WDR7: variants seen among roughly 807,000 people sequenced by gnomAD.
WDR7 encodes WD repeat-containing protein 7.
A neutral mutation model predicts 169.4 loss-of-function variants in WDR7; 46 were observed. The observed-to-expected ratio is 0.27, with a 90% CI of 0.21 to 0.35. The LOEUF (loss-of-function observed/expected upper bound fraction) is 0.35. Among genes scored for constraint, WDR7 ranks in the 10% least tolerant of loss-of-function variants. The pLI is 1.00. For missense variants in WDR7, 1,534 were observed against 1,859.3 expected (o/e 0.83, Z 3.22); for synonymous variants, 612 against 666.8 (o/e 0.92, Z 1.27).
chr18:56,803,134 A>T (rs1568203984), intron 19 of WDR7, among the ~76,000 whole-genome samples: 1 of 152,180 alleles, frequency 6.6e-6, no homozygotes, highest in Non-Finnish European at 1.5e-5. Flanking sequence ...CATCCATCTT[A>T]TTCTTATCTA....
intron 26 of WDR7, among the ~76,000 whole-genome samples, chr18:56,999,929 T>C (rs1465141026): frequency 1.3e-5 from 2 of 152,158 alleles, no homozygotes; most frequent in Non-Finnish European, 2.9e-5. Context: ...GAGCTTCTCC[T>C]GTCAACAAAA....
At chr18:56,729,299 A>G (rs1208420608) in intron 13 of WDR7, among the ~76,000 whole-genome samples, 26 of 152,206 alleles carry the variant, frequency 1.7e-4, no homozygotes, top group Admixed American at 1.7e-3. Context: ...CTTTTCCCAC[A>G]ATATTTAAAA....
intron 26 of WDR7, 72 bp downstream of exon 26, chr18:56,962,601 C>A: frequency 2.9e-6 from 4 of 1,391,042 alleles, no homozygotes; most frequent in Non-Finnish European, 4.1e-6. Flanking sequence ...ACTAGCACTT[C>A]ACCAGTTGAC....
At chr18:56,718,221 A>C in intron 13 of WDR7, 62 bp downstream of exon 13, 8 of 1,358,484 alleles carry the variant, frequency 5.9e-6, no homozygotes, top group Non-Finnish European at 7.7e-6. Context: ...TTTTCTAGAA[A>C]TGAAAATGTC....
At chr18:56,903,705 C>G (rs889553817) in intron 21 of WDR7, among the ~76,000 whole-genome samples, 10 of 152,098 alleles carry the variant, frequency 6.6e-5, no homozygotes, top group African/African-American at 2.4e-4. Context: ...CAGATGTGAG[C>G]CACCACACCC....
intron 18 of WDR7, 150 bp downstream of exon 18, chr18:56,779,699 C>T (rs2044289987): frequency 3.0e-6 from 2 of 664,686 alleles, no homozygotes; most frequent in East Asian, 2.8e-5. Flanking sequence ...ATGTTTTCTT[C>T]TTTGTCAGCT....
chr18:56,871,695 A>G (rs1350887548), intron 20 of WDR7, among the ~76,000 whole-genome samples: 8 of 152,070 alleles, frequency 5.3e-5, no homozygotes, highest in Non-Finnish European at 1.2e-4. Flanking sequence ...CAATATTTGT[A>G]TCATTGTGAA....
At chr18:56,802,091 A>G (rs1381002847) in intron 19 of WDR7, among the ~76,000 whole-genome samples, 1 of 152,148 alleles carries the variant, frequency 6.6e-6, no homozygotes, top group Non-Finnish European at 1.5e-5. Flanking sequence ...GAGTTTTCCT[A>G]TTGCTCTGCA....
At chr18:56,788,970 G>T (rs535433283) in intron 19 of WDR7, among the ~76,000 whole-genome samples, 2 of 152,206 alleles carry the variant, frequency 1.3e-5, no homozygotes, top group African/African-American at 4.8e-5. Context: ...CACTGTATCC[G>T]TAGTGTATCT....
intron 19 of WDR7, among the ~76,000 whole-genome samples, chr18:56,799,842 T>A (rs2044643685): frequency 6.6e-6 from 1 of 152,178 alleles, no homozygotes; most frequent in Non-Finnish European, 1.5e-5. Context: ...AAAGCATAAT[T>A]TTTTATTGCT....
chr18:56,856,776 A>C (rs576033321), intron 20 of WDR7, among the ~76,000 whole-genome samples: 51 of 152,220 alleles, frequency 3.4e-4, no homozygotes, highest in Non-Finnish European at 6.2e-4. Context: ...TTGAAGCCAG[A>C]GTGTATGTAA....
At chr18:56,740,161 T>G (rs1302051406) in intron 14 of WDR7, among the ~76,000 whole-genome samples, 1 of 152,100 alleles carries the variant, frequency 6.6e-6, no homozygotes, top group Admixed American at 6.5e-5. Flanking sequence ...CATAGTACTG[T>G]TTTCTGCTGT....
chr18:56,705,348 A>G (rs540436081), intron 12 of WDR7, among the ~76,000 whole-genome samples: 1 of 152,100 alleles, frequency 6.6e-6, no homozygotes, highest in African/African-American at 2.4e-5. Context: ...AGACCAGCAA[A>G]CAGCAGTTAT....
intron 25 of WDR7, among the ~76,000 whole-genome samples, chr18:56,945,480 G>A (rs2047091431): frequency 6.6e-6 from 1 of 152,330 alleles, no homozygotes; most frequent in East Asian, 1.9e-4. Flanking sequence ...TATAAACCAG[G>A]TAGTTTTAGA....
At chr18:56,663,281 A>G (rs375745990) in intron 1 of WDR7, among the ~76,000 whole-genome samples, 2 of 152,348 alleles carry the variant, frequency 1.3e-5, no homozygotes, top group African/African-American at 2.4e-5. Context: ...AGTCCATAAC[A>G]ACAACCAAAT....
At chr18:56,672,428 T>C (rs1357891032) in intron 1 of WDR7, 69 bp from the exon 2 acceptor site, 11 of 1,298,352 alleles carry the variant, frequency 8.5e-6, no homozygotes, top group African/African-American at 1.5e-5. Context: ...GTTGGTTTTA[T>C]AACAAAAATA....
At chr18:56,670,109 TTTTTTG>T (rs2025101266) in intron 1 of WDR7, among the ~76,000 whole-genome samples, 1 of 152,202 alleles carries the variant, frequency 6.6e-6, no homozygotes, top group East Asian at 1.9e-4. Context: ...ATTTGCCCTT[TTTTTTG>T]TTTTTGTTTT....
At chr18:56,847,155 T>C (rs1041358003) in intron 20 of WDR7, among the ~76,000 whole-genome samples, 8 of 152,168 alleles carry the variant, frequency 5.3e-5, no homozygotes, top group African/African-American at 1.7e-4. Flanking sequence ...AGATCTCAGA[T>C]GAAAACATGA....
intron 20 of WDR7, among the ~76,000 whole-genome samples, chr18:56,851,388 T>C (rs1484306822): frequency 1.3e-5 from 2 of 152,202 alleles, no homozygotes; most frequent in Non-Finnish European, 2.9e-5. Flanking sequence ...CACTCAGCTC[T>C]TACATCTTTT....
Sources: allele counts gnomAD v4.1 joint callset (sites outside exome capture counted in the v4.1 genomes callset), GRCh38; gene constraint gnomAD v4.1.1; transcripts MANE v1.5; gene names NCBI Gene and HGNC (gene_info 2026-07-23, HGNC 2026-07-21).